The following RNF150 variants were observed in gnomAD, a reference collection of about 807,000 sequenced individuals.
The protein encoded by RNF150 is ring finger protein 150.
A neutral mutation model predicts 39.3 loss-of-function variants in RNF150; 24 were observed. The ratio of observed to expected loss-of-function variants is 0.61; its 90% confidence interval spans 0.44 to 0.86. The LOEUF (loss-of-function observed/expected upper bound fraction) is 0.86. Among genes scored for constraint, RNF150 ranks in the 40% least tolerant of loss-of-function variants. RNF150 has a pLI of 0.00. For missense variants in RNF150, 502 were observed against 587.8 expected, an observed-to-expected ratio of 0.85 and a Z score of 1.51; for synonymous variants, 255 against 227.3, an observed-to-expected ratio of 1.12 and a Z score of -1.10.
chr4:141,104,416 G>A (rs1439653520), intron 1 of RNF150, among the ~76,000 whole-genome samples: 1 of 152,162 alleles, frequency 6.6e-6, no homozygotes, highest in South Asian at 2.1e-4. Flanking sequence ...AGTCAGAGCT[G>A]AGCAGCAACT....
chr4:140,988,744 G>C (rs1323543786), intron 1 of RNF150, among the ~76,000 whole-genome samples: 1 of 151,566 alleles, frequency 6.6e-6, no homozygotes, highest in Non-Finnish European at 1.5e-5. Context: ...CAAAGACTTG[G>C]AACCAACCCA....
At chr4:141,054,836 C>T (rs1040717389) in intron 1 of RNF150, among the ~76,000 whole-genome samples, 5 of 152,090 alleles carry the variant, frequency 3.3e-5, no homozygotes, top group African/African-American at 4.8e-5. Flanking sequence ...TTTAATAAAA[C>T]GATGAGGTGA....
chr4:141,155,727 G>A (rs1727382040), intron 1 of RNF150, among the ~76,000 whole-genome samples: 1 of 152,158 alleles, frequency 6.6e-6, no homozygotes, highest in Non-Finnish European at 1.5e-5. Context: ...ACAAAGACAT[G>A]CAGTGCCCAG....
intron 1 of RNF150, among the ~76,000 whole-genome samples, chr4:140,999,933 G>C (rs1206377350): frequency 8.0e-6 from 1 of 125,302 alleles, no homozygotes; most frequent in Non-Finnish European, 1.7e-5. Context: ...GTGAGACTTG[G>C]TCTCAAAAAA....
In RNF150 at chr4:140,866,790, T is replaced by C. The variant is rs1728728267; in HGVS notation, c.*1471A>G. 1 of 151,940 alleles carries C rather than the reference T, an allele frequency of 6.6e-6. No homozygotes were observed. The highest frequency in any genetic ancestry group is 2.4e-5 in the African/African-American group (1 of 41,356). 9.4% of individuals were successfully genotyped at this position (151,940 alleles called of 1,614,324 possible). A position where few individuals can be genotyped will look rare whatever the true frequency, so the allele number is the denominator to read the frequency against. ...GTTTGCCAGCTGTGTAGAGATAAGG[T>C]GATCCGTCTGATTGTTCAGAGACGC... On this transcript the variant is annotated 3_prime_UTR_variant, in exon 7 of 7. Transcript: ENST00000515673.
At chr4:141,185,670 C>G (rs1727994642) in intron 1 of RNF150, among the ~76,000 whole-genome samples, 2 of 152,138 alleles carry the variant, frequency 1.3e-5, no homozygotes, top group Non-Finnish European at 2.9e-5. Context: ...GTGGGTTTGT[C>G]ATAAATAGCT....
chr4:140,868,456 G>A, intron 6 of RNF150, 77 bp from the exon 7 acceptor site: 1 of 821,268 alleles, frequency 1.2e-6, no homozygotes, highest in Non-Finnish European at 2.1e-6. Flanking sequence ...ACAATTGCTT[G>A]TAATAACATT....
At chr4:140,894,737 T>C (rs1729876780) in intron 6 of RNF150, among the ~76,000 whole-genome samples, 1 of 152,234 alleles carries the variant, frequency 6.6e-6, no homozygotes, top group South Asian at 2.1e-4. Flanking sequence ...TACTGCTGAA[T>C]AGATCTTCAA....
chr4:140,973,530 C>A (rs1024852961), intron 1 of RNF150, among the ~76,000 whole-genome samples: 1 of 144,294 alleles, frequency 6.9e-6, no homozygotes, highest in Non-Finnish European at 1.5e-5. Context: ...TTCTTATACC[C>A]CTCTCATTTG....
chr4:141,184,995 C>A (rs1727979254), intron 1 of RNF150, among the ~76,000 whole-genome samples: 1 of 124,562 alleles, frequency 8.0e-6, no homozygotes, highest in African/African-American at 2.9e-5. Flanking sequence ...TTCAGATTGT[C>A]TTGGCTATAC....
intron 1 of RNF150, among the ~76,000 whole-genome samples, chr4:140,983,418 G>T (rs1733922980): frequency 6.6e-6 from 1 of 152,072 alleles, no homozygotes; most frequent in Non-Finnish European, 1.5e-5. Flanking sequence ...GCATAAATTT[G>T]TCTTCCTTTT....
chr4:141,020,883 A>T (rs1363063239), intron 1 of RNF150, among the ~76,000 whole-genome samples: 1 of 152,210 alleles, frequency 6.6e-6, no homozygotes, highest in East Asian at 1.9e-4. Context: ...AAATAAATAA[A>T]CACTGTGGTT....
chr4:141,108,306 A>G (rs1381563727), intron 1 of RNF150, among the ~76,000 whole-genome samples: 1 of 152,032 alleles, frequency 6.6e-6, no homozygotes, highest in Non-Finnish European at 1.5e-5. Flanking sequence ...TTTTCTTAAA[A>G]TTTTTCTTCT....
intron 1 of RNF150, among the ~76,000 whole-genome samples, chr4:141,179,000 AT>A (rs1308977092): frequency 6.6e-6 from 1 of 152,052 alleles, no homozygotes; most frequent in Non-Finnish European, 1.5e-5. Flanking sequence ...TTAGGATCCC[AT>A]TACATTTTTC....
intron 6 of RNF150, among the ~76,000 whole-genome samples, chr4:140,887,908 C>T (rs1578932608): frequency 6.6e-6 from 1 of 152,258 alleles, no homozygotes; most frequent in East Asian, 1.9e-4. Flanking sequence ...AGGTAAACAG[C>T]TCAATGATAA....
At chr4:140,876,996 T>C (rs1281083920) in intron 6 of RNF150, among the ~76,000 whole-genome samples, 2 of 152,228 alleles carry the variant, frequency 1.3e-5, no homozygotes, top group African/African-American at 4.8e-5. Flanking sequence ...GTTTAAAACA[T>C]TGTTTTCATT....
chr4:140,868,311 A>T lies in RNF150; in HGVS notation c.1267T>A (p.Ser423Thr). ...TGGTCAGTGGAAAGTTCTACATCAG[A>T]CAGTCCAACCTCCATTGCCATGATC... The part of the protein sequence containing the change: ...SLIMAMEVGL[S>T]DVELSTDQDC... The change falls in exon 7 of 7, where the codon TCT (serine) becomes ACT (threonine). Residue 423 changes from serine (S) to threonine (T), a missense_variant. Transcript: ENST00000515673. 1 of 1,613,066 alleles carries T rather than the reference A, an allele frequency of 6.2e-7. No individual in the cohort carries two copies. The highest frequency in any genetic ancestry group is 2.2e-5 in the East Asian group (1 of 44,882).
chr4:140,920,572 C>T (rs964813184), intron 5 of RNF150, among the ~76,000 whole-genome samples: 1 of 118,318 alleles, frequency 8.5e-6, no homozygotes, highest in Non-Finnish European at 1.8e-5. Context: ...AATAGGAACA[C>T]TTTTACACTG....
rs1728750351 is a variant in RNF150 at position 140,867,365 on chromosome 4, G to C, written c.*896C>G. ...ACTGGCATTTTGTTTTCAATAGGAA[G>C]AAAATGTGGTATCTGGTTTTAAAAC... On this transcript the variant is annotated 3_prime_UTR_variant, in exon 7 of 7. Coordinates refer to ENST00000515673, the MANE Select transcript of RNF150 (RefSeq NM_020724.2). 6.6e-6 allele frequency: 1 copy of C among 152,234 alleles called. No homozygotes were observed. Among genetic ancestry groups the C allele is most frequent in the Non-Finnish European group, 1.5e-5 (1 of 68,046 alleles). 9.4% of individuals were successfully genotyped at this position (152,234 alleles called of 1,614,324 possible). A position where few individuals can be genotyped will look rare whatever the true frequency, so the allele number is the denominator to read the frequency against.
Sources: allele counts gnomAD v4.1 joint callset (sites outside exome capture counted in the v4.1 genomes callset), GRCh38; gene constraint gnomAD v4.1.1; transcripts MANE v1.5; gene names NCBI Gene and HGNC (gene_info 2026-07-23, HGNC 2026-07-21).